Variants in BBS9 observed in about 807,000 individuals in gnomAD.
BBS9 encodes the protein protein PTHB1.
BBS9 carries 89 observed loss-of-function variants against 117.7 expected under a neutral mutation model. That is an observed-to-expected ratio of 0.76 (90% CI 0.64 to 0.90). The LOEUF (loss-of-function observed/expected upper bound fraction) is 0.90, where lower values mean the gene tolerates loss of function less well. Ranked by LOEUF, BBS9 falls within the 40% of genes least tolerant of loss-of-function variation. BBS9 has a pLI of 0.00. For synonymous variants in BBS9, 379 were observed against 370.9 expected, an observed-to-expected ratio of 1.02 and a Z score of -0.25; for missense variants, 982 against 1,042.2, an observed-to-expected ratio of 0.94 and a Z score of 0.80.
At chr7:33,372,662 C>T (rs942949119) in intron 17 of BBS9, among the ~76,000 whole-genome samples, 4 of 152,018 alleles carry the variant, frequency 2.6e-5, no homozygotes, top group Admixed American at 2.0e-4. Context: ...ATAATGTTGG[C>T]CTCATAGATT....
chr7:33,200,790 T>C (rs996276267), intron 5 of BBS9, among the ~76,000 whole-genome samples: 4 of 152,226 alleles, frequency 2.6e-5, no homozygotes, highest in African/African-American at 9.6e-5. Context: ...GCTTTTCTTA[T>C]AGCAGGTTTT....
At chr7:33,454,159 A>G (rs921303082) in intron 19 of BBS9, among the ~76,000 whole-genome samples, 5 of 152,202 alleles carry the variant, frequency 3.3e-5, no homozygotes, top group Non-Finnish European at 7.3e-5. Context: ...AATATCATAC[A>G]TGGGCTTTGA....
intron 7 of BBS9, 46 bp downstream of exon 7, chr7:33,264,420 T>A: frequency 9.3e-7 from 1 of 1,075,456 alleles, no homozygotes; most frequent in Non-Finnish European, 1.4e-6. Flanking sequence ...ATGCTATATC[T>A]AATCACATAT....
chr7:33,340,266 T>C (rs1816232697), intron 10 of BBS9, among the ~76,000 whole-genome samples: 3 of 152,164 alleles, frequency 2.0e-5, no homozygotes. Flanking sequence ...AATATGTGCA[T>C]ATTAGACACA....
intron 19 of BBS9, among the ~76,000 whole-genome samples, chr7:33,498,556 T>C (rs545325290): frequency 3.9e-5 from 6 of 152,300 alleles, no homozygotes; most frequent in South Asian, 2.1e-4. Context: ...TAATCTACTT[T>C]CTGTGTTTAT....
At chr7:33,381,589 A>T (rs1415647426) in intron 17 of BBS9, among the ~76,000 whole-genome samples, 1 of 152,190 alleles carries the variant, frequency 6.6e-6, no homozygotes, top group Admixed American at 6.5e-5. Flanking sequence ...CCACAACTGT[A>T]CTATCTCTAA....
chr7:33,141,440 A>T (rs7784815), intron 1 of BBS9, among the ~76,000 whole-genome samples: 24,590 of 151,978 alleles, frequency 0.16, 2,127 homozygotes, highest in South Asian at 0.21. Context: ...AAAAAAGCTC[A>T]CTGCAGCCTC....
At chr7:33,604,765 A>G (rs1387235747) in intron 21 of BBS9, 100 bp from the exon 22 acceptor site, 1 of 833,520 alleles carries the variant, frequency 1.2e-6, no homozygotes, top group Non-Finnish European at 2.0e-6. Context: ...CACGTCATTT[A>G]TTATCTTTAT....
chr7:33,392,865 G>C (rs1323460292), intron 19 of BBS9, among the ~76,000 whole-genome samples: 1 of 152,134 alleles, frequency 6.6e-6, no homozygotes, highest in Non-Finnish European at 1.5e-5. Context: ...GTCAAGAGTT[G>C]TTTAAAGCAA....
chr7:33,307,748 C>T (rs1417061259), intron 9 of BBS9, among the ~76,000 whole-genome samples: 3 of 149,772 alleles, frequency 2.0e-5, no homozygotes, highest in Non-Finnish European at 3.0e-5. Context: ...AAAGTCTTTG[C>T]GTGTTCAGTG....
intron 21 of BBS9, among the ~76,000 whole-genome samples, chr7:33,612,203 T>C (rs189282192): frequency 6.6e-6 from 1 of 152,036 alleles, no homozygotes; most frequent in Non-Finnish European, 1.5e-5. Flanking sequence ...ATTAAGTTAC[T>C]CATTCCTTGG....
rs1193344017 is a variant in BBS9 at position 33,129,867 on chromosome 7, A to G, written c.-186A>G. The G allele has an allele frequency of 1.3e-5, 2 of 152,508 alleles. No homozygotes were observed. The highest frequency in any genetic ancestry group is 4.8e-5 in the African/African-American group (2 of 41,374). 9.4% of individuals were successfully genotyped at this position (152,508 alleles called of 1,614,324 possible). ...CTCTCTTTGCCCGGGACGTGGAACA[A>G]CTTTCAGCTGGAGGACGAGAGGGAA... On this transcript the variant is annotated 5_prime_UTR_variant, in exon 1 of 23. Transcript: ENST00000242067.
intron 1 of BBS9, among the ~76,000 whole-genome samples, chr7:33,140,132 C>T (rs1791207841): frequency 1.3e-5 from 2 of 152,112 alleles, no homozygotes; most frequent in Non-Finnish European, 2.9e-5. Flanking sequence ...TCATGCCGTT[C>T]TCCTGCCTCA....
intron 19 of BBS9, among the ~76,000 whole-genome samples, chr7:33,471,223 T>A (rs540585050): frequency 3.9e-5 from 6 of 152,282 alleles, no homozygotes; most frequent in African/African-American, 1.4e-4. Flanking sequence ...CATAGTGGGA[T>A]GGGGGAAGAA....
chr7:33,166,839 G>C (rs1467530986), intron 4 of BBS9, among the ~76,000 whole-genome samples: 1 of 152,170 alleles, frequency 6.6e-6, no homozygotes, highest in Non-Finnish European at 1.5e-5. Flanking sequence ...TGCACTTCCT[G>C]GGTGAGGTGA....
intron 9 of BBS9, among the ~76,000 whole-genome samples, chr7:33,326,282 C>T (rs1235093498): frequency 6.6e-6 from 1 of 150,656 alleles, no homozygotes; most frequent in Admixed American, 6.6e-5. Flanking sequence ...ATTACTACCA[C>T]CTCTAGGCTT....
intron 21 of BBS9, among the ~76,000 whole-genome samples, chr7:33,589,729 G>C (rs1350824412): frequency 6.6e-6 from 1 of 152,002 alleles, no homozygotes; most frequent in African/African-American, 2.4e-5. Flanking sequence ...TTGAGTTTGA[G>C]ATGCTGTTAG....
At chr7:33,204,018 C>T (rs998900146) in intron 5 of BBS9, among the ~76,000 whole-genome samples, 7 of 151,346 alleles carry the variant, frequency 4.6e-5, no homozygotes, top group Non-Finnish European at 7.4e-5. Context: ...CCACCACGCC[C>T]GGCCAGAACG....
At chr7:33,251,439 C>T (rs1210729683) in intron 5 of BBS9, among the ~76,000 whole-genome samples, 2 of 152,130 alleles carry the variant, frequency 1.3e-5, no homozygotes, top group East Asian at 1.9e-4. Context: ...AGGTCAGTCT[C>T]ACCCAAACCT....
Sources: gnomAD v4.1 joint callset for allele counts (sites outside exome capture counted in the v4.1 genomes callset) on GRCh38, gnomAD v4.1.1 for gene constraint, MANE v1.5 for transcripts, NCBI Gene and HGNC (gene_info 2026-07-23, HGNC 2026-07-21) for gene names.